The following GPR180 variants were observed in gnomAD, a reference collection of about 807,000 sequenced individuals.
The protein encoded by GPR180 is integral membrane protein GPR180.
A neutral mutation model predicts 52.6 loss-of-function variants in GPR180; 53 were observed. That is an observed-to-expected ratio of 1.01 (90% CI 0.81 to 1.27). The LOEUF (loss-of-function observed/expected upper bound fraction) is 1.27. Among genes scored for constraint, GPR180 ranks in the 50% most tolerant of loss-of-function variants. The pLI is 0.00. For synonymous variants in GPR180, 200 were observed against 193.1 expected, an observed-to-expected ratio of 1.04 and a Z score of -0.30; for missense variants, 533 against 527.0, an observed-to-expected ratio of 1.01 and a Z score of -0.11.
chr13:94,632,761 A>G lies in GPR180; in HGVS notation c.*5590A>G, dbSNP rs912129690. 9 of 152,200 alleles carry G rather than the reference A, an allele frequency of 5.9e-5. No individual in the cohort carries two copies. Among genetic ancestry groups the G allele is most frequent in the African/African-American group, 2.2e-4 (9 of 41,456 alleles). 9.4% of individuals were successfully genotyped at this position (152,200 alleles called of 1,614,324 possible). On this transcript the variant is annotated 3_prime_UTR_variant, in exon 9 of 9. Transcript: ENST00000376958. ...AAATAGGGGCTAGCCACACCAGAAGACCAACCATTGGATTAGAGGGTTGGA... is the reference window on the plus strand; with the variant it reads ...AAATAGGGGCTAGCCACACCAGAAGGCCAACCATTGGATTAGAGGGTTGGA...
At chr13:94,602,109 T>C (rs1304041582) in intron 1 of GPR180, 37 bp downstream of exon 1, 4 of 1,279,536 alleles carry the variant, frequency 3.1e-6, no homozygotes, top group African/African-American at 1.5e-5. Context: ...GAAGGCGCGC[T>C]GGCCCATCCC....
In GPR180 at chr13:94,627,170, G is replaced by C; in HGVS notation, c.1322G>C (p.Ter441SerextTer17). The C allele has an allele frequency of 6.2e-7, 1 of 1,611,386 alleles. No individual in the cohort carries two copies. Among genetic ancestry groups the C allele is most frequent in the South Asian group, 1.1e-5 (1 of 90,712 alleles). The change falls in exon 9 of 9, where the codon TGA (stop) becomes TCA (serine). Residue 441 changes from the stop codon to serine (S), a stop_lost. Coordinates refer to ENST00000376958, the MANE Select transcript of GPR180 (RefSeq NM_180989.6). ...SSGHKSRPHF* is the reference protein window; with the variant it reads ...SSGHKSRPHFS Reference sequence around the variant, plus strand: ...GGACACAAAAGTCGCCCTCATTTCTGATACTTGATTTTTGTTGAGAGGAAA... The same window carrying C: ...GGACACAAAAGTCGCCCTCATTTCTCATACTTGATTTTTGTTGAGAGGAAA...
chr13:94,605,663 A>G (rs1350214491), intron 2 of GPR180, 114 bp downstream of exon 2: 4 of 821,230 alleles, frequency 4.9e-6, no homozygotes, highest in Non-Finnish European at 7.4e-6. Context: ...TCCCACTGTG[A>G]TGACACTTTG....
chr13:94,602,777 C>CT (rs1004253829), intron 1 of GPR180, among the ~76,000 whole-genome samples: 2 of 152,112 alleles, frequency 1.3e-5, no homozygotes, highest in African/African-American at 4.8e-5. Flanking sequence ...GTAATTATTC[C>CT]TTCAATAAAT....
chr13:94,622,567 A>T (rs1279778301), intron 6 of GPR180, among the ~76,000 whole-genome samples: 1 of 152,192 alleles, frequency 6.6e-6, no homozygotes, highest in Non-Finnish European at 1.5e-5. Flanking sequence ...AATATGTAAA[A>T]ATATGAACCA....
In GPR180 at chr13:94,627,234, C is replaced by T. The variant is rs1889940247; in HGVS notation, c.*63C>T. ...AAAGAGTGCAATAAGGATCCAAATA[C>T]AGTGACTTTTTTTTCATACATTTAG... On this transcript the variant is annotated 3_prime_UTR_variant, in exon 9 of 9. Coordinates refer to ENST00000376958, the MANE Select transcript of GPR180 (RefSeq NM_180989.6). 6.4e-6 allele frequency: 9 copies of T among 1,417,200 alleles called. No individual in the cohort carries two copies. Among genetic ancestry groups the T allele is most frequent in the Non-Finnish European group, 8.8e-6 (9 of 1,027,372 alleles). The allele number at this position is 1,417,200 out of a possible 1,614,324, so 87.8% of individuals were successfully genotyped here.
intron 7 of GPR180, among the ~76,000 whole-genome samples, chr13:94,624,419 GAACC>G (rs1361530221): frequency 6.6e-6 from 1 of 152,190 alleles, no homozygotes; most frequent in African/African-American, 2.4e-5. Flanking sequence ...GCAGCCCTAA[GAACC>G]AACTTCAGGC....
chr13:94,619,604 G>T, intron 5 of GPR180, 87 bp downstream of exon 5: 1 of 1,121,632 alleles, frequency 8.9e-7, no homozygotes, highest in South Asian at 1.4e-5. Flanking sequence ...TAAATTTTCT[G>T]TCGAAAATTG....
intron 6 of GPR180, among the ~76,000 whole-genome samples, 177 bp downstream of exon 6, chr13:94,621,412 G>A (rs751960950): frequency 2.0e-5 from 3 of 152,020 alleles, no homozygotes; most frequent in Non-Finnish European, 4.4e-5. Flanking sequence ...AAGAGTGTTA[G>A]ATCAAATAAT....
At chr13:94,602,709 C>G (rs1889576274) in intron 1 of GPR180, among the ~76,000 whole-genome samples, 2 of 152,156 alleles carry the variant, frequency 1.3e-5, no homozygotes, top group Non-Finnish European at 2.9e-5. Flanking sequence ...TTCTGTGTGG[C>G]TCTTCTGAAA....
rs1350634644 is a variant in GPR180 at position 94,634,273 on chromosome 13, TAGCATGACA to T, written c.*7103_*7111del. The stretch of plus-strand genomic sequence containing the variant: ...TGTTGAGTGTTAAACCCACAGGTGG[TAGCATGACA>T]TTGACTCCTCAGCCAAGCATATTAT... On this transcript the variant is annotated 3_prime_UTR_variant, in exon 9 of 9. Transcript: ENST00000376958. The T allele has an allele frequency of 2.0e-5, 3 of 152,150 alleles. No individual in the cohort carries two copies. Among genetic ancestry groups the T allele is most frequent in the Non-Finnish European group, 4.4e-5 (3 of 68,022 alleles). The allele number at this position is 152,150 out of a possible 1,614,324, so 9.4% of individuals were successfully genotyped here.
chr13:94,611,091 C>T lies in GPR180; in HGVS notation c.305-1099C>T, dbSNP rs141566829. Among the ~76,000 whole-genome samples, 511 of 152,246 alleles carry T rather than the reference C, an allele frequency of 3.4e-3. 3 individuals carry two copies. Among genetic ancestry groups the T allele is most frequent in the Middle Eastern group, 6.8e-3 (2 of 294 alleles). The stretch of plus-strand genomic sequence containing the variant: ...TGAGTGTCATTGCTTATGTAACTTA[C>T]CCAAGGTCACACAACAGGTAAGTAT... On this transcript the variant is annotated intron_variant, in intron 2 of 8. Transcript: ENST00000376958.
Position 94,632,570 on chromosome 13 carries a change from A to T in GPR180, c.*5399A>T, listed in dbSNP as rs1198980167. On this transcript the variant is annotated 3_prime_UTR_variant, in exon 9 of 9. Coordinates refer to ENST00000376958, the MANE Select transcript of GPR180 (RefSeq NM_180989.6). ...GGTTTTCAGTCTTGCTAATACAGAC[A>T]AGGCTGAAATTAAGACAGTAATCAA... The T allele has an allele frequency of 6.6e-6, 1 of 152,202 alleles. No individual in the cohort carries two copies. The highest frequency in any genetic ancestry group is 1.5e-5 in the Non-Finnish European group (1 of 68,040). 9.4% of individuals were successfully genotyped at this position (152,202 alleles called of 1,614,324 possible). A position where few individuals can be genotyped will look rare whatever the true frequency, so the allele number is the denominator to read the frequency against.
intron 6 of GPR180, among the ~76,000 whole-genome samples, chr13:94,621,853 T>G (rs1421733400): frequency 6.6e-6 from 1 of 152,150 alleles, no homozygotes; most frequent in Non-Finnish European, 1.5e-5. Context: ...CCCATATGCC[T>G]ATGTTCAATG....
chr13:94,605,198 C>CA (rs1329314722), intron 1 of GPR180, among the ~76,000 whole-genome samples, 193 bp from the exon 2 acceptor site: 1 of 152,088 alleles, frequency 6.6e-6, no homozygotes, highest in Non-Finnish European at 1.5e-5. Context: ...AAGGAAATAC[C>CA]ACACGTTCAT....
chr13:94,623,068 T>C, intron 6 of GPR180, 41 bp from the exon 7 acceptor site: 1 of 1,415,176 alleles, frequency 7.1e-7, no homozygotes, highest in Non-Finnish European at 9.8e-7. Context: ...TAATGAGGTA[T>C]ATTTTTTTTT....
In GPR180 at chr13:94,630,311, G is replaced by T. The variant is rs1889978504; in HGVS notation, c.*3140G>T. On this transcript the variant is annotated 3_prime_UTR_variant, in exon 9 of 9. Transcript: ENST00000376958. ...TGTAGGAGTGCCATGAAGCCTGGAG[G>T]TGAGGAAAGAAGTGATCCTGCCCAC... The T allele has an allele frequency of 6.6e-6, 1 of 152,242 alleles. No individual in the cohort carries two copies. Among genetic ancestry groups the T allele is most frequent in the Non-Finnish European group, 1.5e-5 (1 of 68,054 alleles). The allele number at this position is 152,242 out of a possible 1,614,324, so 9.4% of individuals were successfully genotyped here.
In GPR180 at chr13:94,625,256, G is replaced by T. The variant is rs59891201; in HGVS notation, c.1087-710G>T. 7.2e-4 allele frequency among the ~76,000 whole-genome samples: 109 copies of T among 152,240 alleles called. 1 individual carries two copies. Among genetic ancestry groups the T allele is most frequent in the African/African-American group, 2.6e-3 (107 of 41,544 alleles). ...TCACCTCCTCACACAATTGCTATTA[G>T]TTCTTAATTTATCCTTCTGGAGTTT... On this transcript the variant is annotated intron_variant, in intron 7 of 8. Coordinates refer to ENST00000376958, the MANE Select transcript of GPR180 (RefSeq NM_180989.6).
rs1889960760 is a variant in GPR180 at position 94,628,946 on chromosome 13, A to G, written c.*1775A>G. 1.3e-5 allele frequency: 2 copies of G among 152,276 alleles called. No homozygotes were observed. Among genetic ancestry groups the G allele is most frequent in the South Asian group, 4.1e-4 (2 of 4,830 alleles). The allele number at this position is 152,276 out of a possible 1,614,324, so 9.4% of individuals were successfully genotyped here. On this transcript the variant is annotated 3_prime_UTR_variant, in exon 9 of 9. Transcript: ENST00000376958. ...AAAAATCTTTGTGTTACTTCACTCA[A>G]AGAACATAAGTAACTGCAATTAACA...
Sources: gnomAD v4.1 joint callset for allele counts (sites outside exome capture counted in the v4.1 genomes callset) on GRCh38, gnomAD v4.1.1 for gene constraint, MANE v1.5 for transcripts, NCBI Gene and HGNC (gene_info 2026-07-23, HGNC 2026-07-21) for gene names.